The following CNTN6 variants were observed in gnomAD, a reference collection of about 807,000 sequenced individuals.
CNTN6 encodes the protein contactin-6.
Under a neutral mutation model 122.8 loss-of-function variants are expected in CNTN6, and 137 were observed. That is an observed-to-expected ratio of 1.12 (90% CI 0.97 to 1.29). CNTN6 has a LOEUF of 1.29. CNTN6 is among the 50% of genes most tolerant of loss of function. The pLI is 0.00. For synonymous variants in CNTN6, 570 were observed against 426.0 expected, an observed-to-expected ratio of 1.34 and a Z score of -4.16; for missense variants, 1,634 against 1,223.4, an observed-to-expected ratio of 1.34 and a Z score of -5.01.
chr3:1,226,494 C>T (rs2094285649), intron 3 of CNTN6, among the ~76,000 whole-genome samples: 1 of 152,128 alleles, frequency 6.6e-6, no homozygotes, highest in Non-Finnish European at 1.5e-5. Context: ...AACCTTTATT[C>T]CAGAGGTATC....
intron 21 of CNTN6, 43 bp downstream of exon 21, chr3:1,401,588 T>A: frequency 7.3e-7 from 1 of 1,370,126 alleles, no homozygotes; most frequent in Non-Finnish European, 1.0e-6. Context: ...ATTAAGTTAC[T>A]AAGGAATGAA....
intron 17 of CNTN6, among the ~76,000 whole-genome samples, chr3:1,379,560 C>T (rs1362388486): frequency 6.6e-6 from 1 of 151,922 alleles, no homozygotes; most frequent in African/African-American, 2.4e-5. Flanking sequence ...CATGTACCCC[C>T]GAATCTAAAA....
At chr3:1,372,253 G>A in intron 12 of CNTN6, 46 bp from the exon 13 acceptor site, 1 of 1,444,652 alleles carries the variant, frequency 6.9e-7, no homozygotes, top group Non-Finnish European at 9.5e-7. Context: ...TATAACCATA[G>A]GCTAGCATTT....
At chr3:1,355,510 A>G (rs1706402346) in intron 12 of CNTN6, among the ~76,000 whole-genome samples, 1 of 151,754 alleles carries the variant, frequency 6.6e-6, no homozygotes, top group African/African-American at 2.4e-5. Flanking sequence ...AAATTATAAT[A>G]GTGTACATCA....
intron 2 of CNTN6, among the ~76,000 whole-genome samples, chr3:1,161,695 G>A (rs545361294): frequency 2.5e-4 from 37 of 149,182 alleles, no homozygotes; most frequent in African/African-American, 7.4e-4. Context: ...AGATTTATTC[G>A]GTACAAAAAA....
intron 11 of CNTN6, among the ~76,000 whole-genome samples, chr3:1,333,413 A>G (rs1052175334): frequency 2.6e-5 from 4 of 152,080 alleles, no homozygotes; most frequent in Non-Finnish European, 5.9e-5. Context: ...ATAGCAATAT[A>G]TACATAACTT....
intron 2 of CNTN6, among the ~76,000 whole-genome samples, chr3:1,218,170 G>C (rs1022706839): frequency 6.6e-6 from 1 of 152,058 alleles, no homozygotes; most frequent in Non-Finnish European, 1.5e-5. Context: ...AGTAAGGTGA[G>C]AAGGCCATAC....
chr3:1,163,897 A>G (rs114487774), intron 2 of CNTN6, among the ~76,000 whole-genome samples: 307 of 152,338 alleles, frequency 2.0e-3, no homozygotes, highest in African/African-American at 6.9e-3. Context: ...ATCTCAATTT[A>G]AACTACTGCT....
chr3:1,399,267 G>T (rs961399275), intron 20 of CNTN6, among the ~76,000 whole-genome samples: 3 of 152,036 alleles, frequency 2.0e-5, no homozygotes, highest in Non-Finnish European at 2.9e-5. Flanking sequence ...TATCCTGTGA[G>T]AATTTTGATA....
intron 11 of CNTN6, among the ~76,000 whole-genome samples, chr3:1,333,851 C>G (rs1470532624): frequency 6.6e-6 from 1 of 152,154 alleles, no homozygotes; most frequent in African/African-American, 2.4e-5. Flanking sequence ...GGTGCCAAGT[C>G]TTCCATCTCT....
At position 1,348,773 on chromosome 3, in the gene CNTN6, T is replaced by C. The variant is rs77656714; in HGVS notation, c.1365-3551T>C. 4.0e-3 allele frequency among the ~76,000 whole-genome samples: 603 copies of C among 152,092 alleles called. 3 individuals are homozygous for C. Among genetic ancestry groups the C allele is most frequent in the African/African-American group, 0.014 (572 of 41,542 alleles). Reference sequence around the variant, plus strand: ...CCATCTAGTGGGTACCTTGAGTCACTTATTGCTTCTCTTTATGCCTGTTTC... The same window carrying C: ...CCATCTAGTGGGTACCTTGAGTCACCTATTGCTTCTCTTTATGCCTGTTTC... On this transcript the variant is annotated intron_variant, in intron 11 of 22. Coordinates refer to ENST00000446702, the MANE Select transcript of CNTN6 (RefSeq NM_001289080.2).
In CNTN6 at chr3:1,371,211, A is replaced by T. The variant is rs139292425; in HGVS notation, c.1493-1088A>T. On this transcript the variant is annotated intron_variant, in intron 12 of 22. Transcript: ENST00000446702. ...TCAATGTTAGTTTGGTTTCTTGAGC[A>T]GAATGAAGAAGGTAGAAGAAAGTGA... Among the ~76,000 whole-genome samples, 61 of 152,300 alleles carry T rather than the reference A, an allele frequency of 4.0e-4. 1 individual carries two copies. The East Asian group carries it at 8.5e-3, about 21-fold the overall frequency.
chr3:1,117,147 T>C (rs951992317), intron 1 of CNTN6, among the ~76,000 whole-genome samples: 1 of 152,190 alleles, frequency 6.6e-6, no homozygotes, highest in Non-Finnish European at 1.5e-5. Context: ...AGATTTATAT[T>C]GCCTTTGTTG....
intron 7 of CNTN6, among the ~76,000 whole-genome samples, chr3:1,313,477 A>C (rs986202510): frequency 1.3e-5 from 2 of 152,056 alleles, no homozygotes; most frequent in Non-Finnish European, 2.9e-5. Flanking sequence ...ATATTTCCTC[A>C]TTTGCTCTTC....
intron 20 of CNTN6, 97 bp downstream of exon 20, chr3:1,385,894 A>ACTAATTGGTTACTTTG (rs1467986362): frequency 1.7e-6 from 2 of 1,187,612 alleles, no homozygotes; most frequent in East Asian, 5.2e-5. Flanking sequence ...TCATTTCTTT[A>ACTAATTGGTTACTTTG]CTAATTGGTT....
intron 11 of CNTN6, among the ~76,000 whole-genome samples, chr3:1,336,217 A>T (rs1272023974): frequency 6.6e-6 from 1 of 152,146 alleles, no homozygotes; most frequent in Non-Finnish European, 1.5e-5. Flanking sequence ...AAAAAGTCTC[A>T]TTAATAATGA....
intron 4 of CNTN6, among the ~76,000 whole-genome samples, chr3:1,260,835 CTG>C (rs2094834175): frequency 6.6e-6 from 1 of 152,120 alleles, no homozygotes; most frequent in Admixed American, 6.6e-5. Flanking sequence ...TCTGCCATGA[CTG>C]TAAGTTTCCT....
chr3:1,230,857 A>G (rs895934192), intron 4 of CNTN6, among the ~76,000 whole-genome samples: 3 of 152,222 alleles, frequency 2.0e-5, no homozygotes, highest in African/African-American at 7.2e-5. Context: ...TTGCTGGCAC[A>G]GTAATTGTCT....
intron 2 of CNTN6, among the ~76,000 whole-genome samples, chr3:1,151,379 T>G (rs1222981594): frequency 2.0e-5 from 3 of 152,196 alleles, no homozygotes; most frequent in Admixed American, 6.5e-5. Context: ...TCTGGTTCAT[T>G]CCTTTATGGT....
Sources: allele counts gnomAD v4.1 joint callset (sites outside exome capture counted in the v4.1 genomes callset), GRCh38; gene constraint gnomAD v4.1.1; transcripts MANE v1.5; gene names NCBI Gene and HGNC (gene_info 2026-07-23, HGNC 2026-07-21).